Variants in ANO2 observed in about 807,000 individuals in gnomAD.
ANO2 encodes the protein anoctamin-2.
ANO2 carries 101 observed loss-of-function variants against 124.2 expected under a neutral mutation model. That is an observed-to-expected ratio of 0.81 (90% CI 0.69 to 0.96). The LOEUF is 0.96. ANO2 is among the 40% of genes least tolerant of loss of function. The pLI is 0.00. For synonymous variants in ANO2, 486 were observed against 482.5 expected, an observed-to-expected ratio of 1.01 and a Z score of -0.09; for missense variants, 1,293 against 1,274.5, an observed-to-expected ratio of 1.01 and a Z score of -0.22.
At chr12:5,654,906 CAAT>C (rs1176046924) in intron 14 of ANO2, among the ~76,000 whole-genome samples, 2 of 152,184 alleles carry the variant, frequency 1.3e-5, no homozygotes, top group Non-Finnish European at 2.9e-5. Context: ...TCCCACTTCT[CAAT>C]AAGATAAGGG....
rs200918253 is a variant in ANO2, at chr12:5,921,129, C to G, written c.445G>C (p.Asp149His). 1 of 1,613,972 alleles carries G rather than the reference C, an allele frequency of 6.2e-7. No homozygotes were observed. Among genetic ancestry groups the G allele is most frequent in the African/African-American group, 1.3e-5 (1 of 75,034 alleles). ...TCCTTCCTCTCCTCCTCCAGGGCAT[C>G]GAGCGGTCCCAGCTCAATGTCACCT... ...GPGDIELGPL[D>H]ALEEERKEQR... Residue 149 changes from aspartate to histidine, a missense_variant, in exon 3 of 25, where the codon GAT (aspartate) becomes CAT (histidine). Physicochemically the swap from Asp to His is moderately conservative, Grantham distance 81. Transcript: ENST00000682330.
chr12:5,902,248 T>C (rs527816449), intron 3 of ANO2, among the ~76,000 whole-genome samples: 29 of 152,232 alleles, frequency 1.9e-4, no homozygotes, highest in Non-Finnish European at 3.4e-4. Context: ...TAACAAGCTA[T>C]ATTAATACAC....
intron 3 of ANO2, among the ~76,000 whole-genome samples, chr12:5,876,318 A>G (rs1230185683): frequency 1.3e-5 from 2 of 152,220 alleles, no homozygotes; most frequent in African/African-American, 2.4e-5. Flanking sequence ...TTAGAACCGC[A>G]TCATATTCTA....
intron 14 of ANO2, among the ~76,000 whole-genome samples, chr12:5,705,509 C>A (rs1047623031): frequency 6.6e-6 from 1 of 152,162 alleles, no homozygotes; most frequent in African/African-American, 2.4e-5. Flanking sequence ...GCACCCTCTG[C>A]CAGATGTACT....
intron 4 of ANO2, among the ~76,000 whole-genome samples, chr12:5,837,696 GGGAC>G (rs1954374022): frequency 6.6e-6 from 1 of 151,750 alleles, no homozygotes; most frequent in African/African-American, 2.4e-5. Context: ...CAGAATCTCT[GGGAC>G]GCATTCAAAG....
chr12:5,769,533 G>A lies in ANO2; in HGVS notation c.1056-18563C>T, dbSNP rs988353108. On this transcript the variant is annotated intron_variant, in intron 10 of 24. Transcript: ENST00000682330. The surrounding 1 kb of genome is among the most constrained non-coding windows in gnomAD (Gnocchi z 4.0). The stretch of plus-strand genomic sequence containing the variant: ...AAGAAAAACAAAGCAGGCAGAAACC[G>A]AGTCACAGCATTGGCAGAATCCTCA... Among the ~76,000 whole-genome samples the A allele has an allele frequency of 4.6e-5, 7 of 152,168 alleles. No homozygotes were observed. Among genetic ancestry groups the A allele is most frequent in the African/African-American group, 7.2e-5 (3 of 41,428 alleles).
chr12:5,917,982 A>G (rs553869719), intron 3 of ANO2, among the ~76,000 whole-genome samples: 31 of 152,328 alleles, frequency 2.0e-4, no homozygotes, highest in Non-Finnish European at 2.4e-4. Flanking sequence ...ATTGGCCTTA[A>G]GAGCTCACTC....
chr12:5,750,846 C>G lies in ANO2; in HGVS notation c.1180G>C (p.Asp394His). The G allele has an allele frequency of 6.2e-7, 1 of 1,610,874 alleles. No homozygotes were observed. Among genetic ancestry groups the G allele is most frequent in the African/African-American group, 1.3e-5 (1 of 74,902 alleles). The change falls in exon 11 of 25, where the codon GAT (aspartate) becomes CAT (histidine). Residue 394 changes from aspartate (D) to histidine (H), a missense_variant. Transcript: ENST00000682330. ...FLYGCATIEE[D>H]IPSREMCDQQ... Reference sequence around the variant, plus strand: ...TTAAAACTGATTTACCTGGGAATATCTTCTTCAATTGTTGCACATCCATAA... The same window carrying G: ...TTAAAACTGATTTACCTGGGAATATGTTCTTCAATTGTTGCACATCCATAA...
At chr12:5,640,870 C>G (rs866294182) in intron 15 of ANO2, among the ~76,000 whole-genome samples, 2 of 152,216 alleles carry the variant, frequency 1.3e-5, no homozygotes, top group African/African-American at 4.8e-5. Flanking sequence ...GATCCCACTA[C>G]TGGGTACATA....
chr12:5,831,200 T>G (rs758321807), intron 5 of ANO2, among the ~76,000 whole-genome samples: 7 of 152,200 alleles, frequency 4.6e-5, no homozygotes, highest in Non-Finnish European at 8.8e-5. Context: ...CCCCAGTCAC[T>G]GGAAGGTACA....
intron 7 of ANO2, among the ~76,000 whole-genome samples, chr12:5,816,207 A>C (rs1187128873): frequency 6.6e-6 from 1 of 151,032 alleles, no homozygotes; most frequent in Non-Finnish European, 1.5e-5. Flanking sequence ...GATTCTAGTC[A>C]CTCATGCTTC....
chr12:5,928,559 G>T (rs1052651881), intron 1 of ANO2, among the ~76,000 whole-genome samples: 1 of 148,258 alleles, frequency 6.7e-6, no homozygotes, highest in Non-Finnish European at 1.5e-5. Flanking sequence ...TTCCTTATTA[G>T]TCACTTTCTT....
chr12:5,734,252 G>A (rs1481484286), intron 13 of ANO2, among the ~76,000 whole-genome samples: 5 of 152,220 alleles, frequency 3.3e-5, no homozygotes, highest in Non-Finnish European at 5.9e-5. Context: ...ATTTCCCGCA[G>A]AGCAACTTTT....
At chr12:5,892,171 T>C (rs925885225) in intron 3 of ANO2, among the ~76,000 whole-genome samples, 2 of 151,986 alleles carry the variant, frequency 1.3e-5, no homozygotes, top group African/African-American at 4.8e-5. Flanking sequence ...AATAACAGAA[T>C]TGAAGTGACA....
chr12:5,791,998 C>T (rs1952712538), intron 10 of ANO2, among the ~76,000 whole-genome samples: 1 of 151,766 alleles, frequency 6.6e-6, no homozygotes, highest in African/African-American at 2.4e-5. Context: ...TGTATAAATA[C>T]ATTTATTTGT....
At chr12:5,695,881 T>G (rs1468266590) in intron 14 of ANO2, among the ~76,000 whole-genome samples, 1 of 152,150 alleles carries the variant, frequency 6.6e-6, no homozygotes, top group Non-Finnish European at 1.5e-5. Context: ...ACCCATAGAA[T>G]AAAGAATTCA....
At chr12:5,861,562 C>G (rs1191954128) in intron 3 of ANO2, among the ~76,000 whole-genome samples, 1 of 152,184 alleles carries the variant, frequency 6.6e-6, no homozygotes, top group Non-Finnish European at 1.5e-5. Flanking sequence ...CTCCTCAGGC[C>G]TCCTTCCCCA....
At chr12:5,698,080 A>G (rs1433370977) in intron 14 of ANO2, among the ~76,000 whole-genome samples, 1 of 152,214 alleles carries the variant, frequency 6.6e-6, no homozygotes, top group Non-Finnish European at 1.5e-5. Context: ...TCCCTGTCTG[A>G]CAGCTTTGAA....
At chr12:5,676,359 C>T (rs1948242188) in intron 14 of ANO2, among the ~76,000 whole-genome samples, 1 of 152,160 alleles carries the variant, frequency 6.6e-6, no homozygotes, top group Non-Finnish European at 1.5e-5. Context: ...CAAAAAGATG[C>T]CCCTCTGTTT....
Sources: allele counts gnomAD v4.1 joint callset (sites outside exome capture counted in the v4.1 genomes callset), GRCh38; gene constraint gnomAD v4.1.1; non-coding constraint Gnocchi (gnomAD v3.1); transcripts MANE v1.5; gene names NCBI Gene and HGNC (gene_info 2026-07-23, HGNC 2026-07-21).